The following AFG2A variants were observed in gnomAD, a reference collection of about 807,000 sequenced individuals.
AFG2A encodes ATPase family gene 2 protein homolog A.
At chr4:123,100,088 G>A in the AFG2A span, among the ~76,000 whole-genome samples, 1 of 151,830 alleles carries the variant, frequency 6.6e-6, no homozygotes, top group Non-Finnish European at 1.5e-5. Flanking sequence ...GACTGGAGAG[G>A]ACATAGAAGG....
chr4:123,162,566 CATATT>C, the AFG2A span, among the ~76,000 whole-genome samples: 2 of 152,112 alleles, frequency 1.3e-5, no homozygotes, highest in Admixed American at 1.3e-4. Context: ...AAAATTTACT[CATATT>C]ATTGCATTAA....
At chr4:123,258,609 A>G in the AFG2A span, among the ~76,000 whole-genome samples, 6 of 152,146 alleles carry the variant, frequency 3.9e-5, no homozygotes, top group African/African-American at 1.4e-4. Flanking sequence ...GGGTATAAAA[A>G]TGAAACTACT....
At chr4:123,150,867 T>A in the AFG2A span, among the ~76,000 whole-genome samples, 1 of 152,160 alleles carries the variant, frequency 6.6e-6, no homozygotes, top group Non-Finnish European at 1.5e-5. Context: ...GACTTCAAAC[T>A]ATACTGCAAG....
the AFG2A span, among the ~76,000 whole-genome samples, chr4:122,983,304 C>G: frequency 4.6e-5 from 7 of 152,068 alleles, no homozygotes; most frequent in Non-Finnish European, 7.4e-5. Flanking sequence ...GTCTCCATTT[C>G]ATTTATTTCT....
chr4:123,215,420 TAA>T, the AFG2A span, among the ~76,000 whole-genome samples: 1 of 152,130 alleles, frequency 6.6e-6, no homozygotes, highest in African/African-American at 2.4e-5. Context: ...ATTTGTAGAA[TAA>T]AGTTTAATCA....
the AFG2A span, among the ~76,000 whole-genome samples, chr4:123,004,154 C>T: frequency 3.6e-4 from 55 of 152,308 alleles, no homozygotes; most frequent in South Asian, 9.5e-3. Flanking sequence ...TTCCTAAGCC[C>T]GTTGGAAAAG....
At chr4:123,172,387 T>G in the AFG2A span, among the ~76,000 whole-genome samples, 1 of 152,210 alleles carries the variant, frequency 6.6e-6, no homozygotes, top group Non-Finnish European at 1.5e-5. Context: ...TAAATTAGCT[T>G]CCTAGCTTTG....
chr4:123,044,788 CTT>C, the AFG2A span, among the ~76,000 whole-genome samples: 2 of 150,716 alleles, frequency 1.3e-5, no homozygotes, highest in Non-Finnish European at 3.0e-5. Flanking sequence ...TTTTGTCAAT[CTT>C]TTTTGTTTCT....
At chr4:122,927,043 A>G in the AFG2A span, among the ~76,000 whole-genome samples, 5 of 152,168 alleles carry the variant, frequency 3.3e-5, no homozygotes, top group Non-Finnish European at 2.9e-5. Context: ...AGGAGTGGAG[A>G]TGACAGCACA....
At chr4:122,991,994 C>G in the AFG2A span, among the ~76,000 whole-genome samples, 1 of 152,220 alleles carries the variant, frequency 6.6e-6, no homozygotes, top group East Asian at 1.9e-4. Context: ...GCCCAGTCAT[C>G]AAATGCCACA....
At chr4:123,123,187 A>G in the AFG2A span, among the ~76,000 whole-genome samples, 1 of 152,218 alleles carries the variant, frequency 6.6e-6, no homozygotes, top group Non-Finnish European at 1.5e-5. Flanking sequence ...TTGGAGATCC[A>G]CAGGCAACCA....
the AFG2A span, among the ~76,000 whole-genome samples, chr4:123,113,349 A>G: frequency 6.6e-6 from 1 of 151,466 alleles, no homozygotes; most frequent in Non-Finnish European, 1.5e-5. Context: ...CAACAAAAAC[A>G]AATACAGCTT....
At chr4:123,126,559 C>T in the AFG2A span, among the ~76,000 whole-genome samples, 1 of 152,258 alleles carries the variant, frequency 6.6e-6, no homozygotes, top group South Asian at 2.1e-4. Context: ...TGGGAGAGAC[C>T]TGGTGGGAGG....
At chr4:123,144,513 C>T in the AFG2A span, among the ~76,000 whole-genome samples, 1 of 151,982 alleles carries the variant, frequency 6.6e-6, no homozygotes, top group Non-Finnish European at 1.5e-5. Flanking sequence ...GTAAATAATA[C>T]TATAAAGAGA....
At chr4:123,154,728 G>A in the AFG2A span, among the ~76,000 whole-genome samples, 2 of 152,136 alleles carry the variant, frequency 1.3e-5, no homozygotes, top group Non-Finnish European at 2.9e-5. Flanking sequence ...AAGGTTATGG[G>A]ATGGATTAGA....
At chr4:123,017,173 AGAGGGGGGAG>A in the AFG2A span, among the ~76,000 whole-genome samples, 1 of 58,110 alleles carries the variant, frequency 1.7e-5, no homozygotes, top group Non-Finnish European at 2.8e-5. Context: ...GGGGAGAGGG[AGAGGGGGGAG>A]AGGGAAAGGG....
the AFG2A span, among the ~76,000 whole-genome samples, chr4:122,966,573 A>G: frequency 6.6e-6 from 1 of 152,136 alleles, no homozygotes; most frequent in Non-Finnish European, 1.5e-5. Flanking sequence ...TCAGGTTAAC[A>G]TCGATTCACT....
the AFG2A span, chr4:123,028,390 A>G: frequency 2.1e-4 from 334 of 1,613,948 alleles, no homozygotes; most frequent in Non-Finnish European, 2.6e-4. Flanking sequence ...TTTTCTAGCT[A>G]TAAAGGTAGG....
chr4:123,116,522 A>T, the AFG2A span, among the ~76,000 whole-genome samples: 1 of 152,168 alleles, frequency 6.6e-6, no homozygotes, highest in Non-Finnish European at 1.5e-5. Flanking sequence ...TGCACAGGAA[A>T]ACCCTCCCTG....
Sources: allele counts gnomAD v4.1 joint callset (sites outside exome capture counted in the v4.1 genomes callset), GRCh38; gene constraint gnomAD v4.1.1; transcripts MANE v1.5; gene names NCBI Gene and HGNC (gene_info 2026-07-23, HGNC 2026-07-21).